Variants in DOC2B observed in about 807,000 individuals in gnomAD.
DOC2B encodes the protein double C2-like domain-containing protein beta.
DOC2B carries 21 observed loss-of-function variants against 28.9 expected under a neutral mutation model. The ratio of observed to expected loss-of-function variants is 0.73; its 90% confidence interval spans 0.52 to 1.05. The LOEUF is 1.05. Ranked by LOEUF, DOC2B falls within the 50% of genes least tolerant of loss-of-function variation. The probability of loss-of-function intolerance (pLI) is 0.00; values close to 1 mark genes in which losing one functional copy is unlikely to be tolerated. For missense variants in DOC2B, 384 were observed against 421.1 expected (o/e 0.91, Z 0.77); for synonymous variants, 194 against 178.1 (o/e 1.09, Z -0.71).
rs2040009663 is a variant in DOC2B, at chr17:145,113, G to C, written c.*2328C>G. On this transcript the variant is annotated 3_prime_UTR_variant, in exon 9 of 9. Coordinates refer to ENST00000613549, the MANE Select transcript of DOC2B (RefSeq NM_003585.5). ...AGCCCCCAGAGGCTAGGGTGGGGTG[G>C]CTGAGTTTTGGGGCCAGGTTAGACA... is the stretch of plus-strand genomic sequence containing the variant. The C allele has an allele frequency of 6.6e-6, 1 of 152,182 alleles. No individual in the cohort carries two copies. The highest frequency in any genetic ancestry group is 1.5e-5 in the Non-Finnish European group (1 of 68,076). 9.4% of individuals were successfully genotyped at this position (152,182 alleles called of 1,614,324 possible).
intron 6 of DOC2B, among the ~76,000 whole-genome samples, chr17:153,701 A>C (rs912415374): frequency 7.5e-6 from 1 of 133,526 alleles, no homozygotes; most frequent in Non-Finnish European, 1.5e-5. Context: ...ACTCTGTCTC[A>C]AAAAAAAAAA....
chr17:172,497 C>T, intron 2 of DOC2B, 40 bp downstream of exon 2: 1 of 1,535,062 alleles, frequency 6.5e-7, no homozygotes, highest in Non-Finnish European at 8.8e-7. Context: ...TCTTGAGGAC[C>T]CCGGGGCAGG....
Position 156,388 on chromosome 17 carries a change from G to T in DOC2B, c.766-11C>A. ...TTCAGTCTTGTCCACCTGTTGGACG[G>T]GACGGTCACTCAGTCCTCACCTGCT... On this transcript the variant is annotated splice_polypyrimidine_tract_variant and intron_variant, in intron 5 of 8. Transcript: ENST00000613549. 1.3e-6 allele frequency: 2 copies of T among 1,551,032 alleles called. No individual in the cohort carries two copies. The highest frequency in any genetic ancestry group is 1.7e-6 in the Non-Finnish European group (2 of 1,146,808).
rs1460338568 is a variant in DOC2B, at chr17:149,177, A to T, written c.939T>A (p.Asp313Glu). 5 of 399,936 alleles carry T rather than the reference A, an allele frequency of 1.3e-5. No individual in the cohort carries two copies. The Admixed American group carries it at 1.3e-4, about 11-fold the overall frequency. 24.8% of individuals were successfully genotyped at this position (399,936 alleles called of 1,614,324 possible). The change falls in exon 7 of 9, where the codon GAT (aspartate) becomes GAA (glutamate). Residue 313 changes from aspartate (D) to glutamate (E), a missense_variant. Coordinates refer to ENST00000613549, the MANE Select transcript of DOC2B (RefSeq NM_003585.5). ...DPYVKTYLRP[D>E]VDKKSKHKTA... ...TCTTATGTTTGGATTTCTTGTCCAC[A>T]TCTGGCCTCAGGTATCTGGAATTAC...
chr17:164,834 G>A (rs1555523707), intron 2 of DOC2B, among the ~76,000 whole-genome samples: 2 of 152,214 alleles, frequency 1.3e-5, no homozygotes, highest in Admixed American at 1.3e-4. Flanking sequence ...GCAGGCTCTT[G>A]TCTCTGAAAA....
Position 143,331 on chromosome 17 carries a change from A to ATTT in DOC2B, c.*4109_*4110insAAA. 2.4e-5 allele frequency: 1 copy of ATTT among 42,308 alleles called. No individual in the cohort carries two copies. The highest frequency in any genetic ancestry group is 1.2e-4 in the African/African-American group (1 of 8,586). The allele number at this position is 42,308 out of a possible 1,614,324, so 2.6% of individuals were successfully genotyped here. A position where few individuals can be genotyped will look rare whatever the true frequency, so the allele number is the denominator to read the frequency against. The stretch of plus-strand genomic sequence containing the variant: ...CCACCCTCCCCTCCTACCCTTCCAA[A>ATTT]TCTTTTTTTTTTTTTTTTGACAAGG... On this transcript the variant is annotated 3_prime_UTR_variant, in exon 9 of 9. Transcript: ENST00000613549.
Position 160,002 on chromosome 17 carries a change from G to A in DOC2B, c.765+1413C>T, listed in dbSNP as rs1431181166. 2.1e-5 allele frequency among the ~76,000 whole-genome samples: 3 copies of A among 143,638 alleles called. No individual in the cohort carries two copies. In the Admixed American group the frequency reaches 2.1e-4, roughly 10 times the overall value. The allele number at this position is 143,638 out of a possible 152,430, so 94.2% of individuals were successfully genotyped here. ...GCTTTTTTTTTTTTTTTTTGAGACA[G>A]AGTCTTGCTCTTGCTCTTGTCACCC... On this transcript the variant is annotated intron_variant, in intron 5 of 8. Transcript: ENST00000613549.
chr17:153,765 G>A (rs555546065), intron 6 of DOC2B, among the ~76,000 whole-genome samples: 33 of 151,668 alleles, frequency 2.2e-4, no homozygotes, highest in Admixed American at 1.2e-3. Context: ...ATATATACGC[G>A]TGAAATTCAA....
intron 5 of DOC2B, among the ~76,000 whole-genome samples, chr17:158,801 T>A (rs2040165238): frequency 6.6e-6 from 1 of 152,116 alleles, no homozygotes; most frequent in African/African-American, 2.4e-5. Context: ...CCCCAGCACT[T>A]TGGGAGGCCA....
chr17:161,963 C>A (rs115102180), intron 4 of DOC2B, 118 bp downstream of exon 4: 1 of 728,750 alleles, frequency 1.4e-6, no homozygotes, highest in Admixed American at 2.4e-5. Flanking sequence ...GCTGGAGTTG[C>A]TGGCATGAGG....
intron 1 of DOC2B, among the ~76,000 whole-genome samples, chr17:175,111 G>A (rs543713315): frequency 1.3e-5 from 2 of 152,352 alleles, no homozygotes; most frequent in African/African-American, 2.4e-5. Flanking sequence ...GGTGGCGCAT[G>A]CCTGTGGTCC....
intron 6 of DOC2B, 92 bp downstream of exon 6, chr17:156,128 G>T: frequency 1.4e-6 from 2 of 1,408,390 alleles, no homozygotes; most frequent in African/African-American, 2.9e-5. Flanking sequence ...CACTCCCTGG[G>T]TGCCTGCCAC....
At chr17:166,037 G>A (rs1274898888) in intron 2 of DOC2B, among the ~76,000 whole-genome samples, 1 of 152,166 alleles carries the variant, frequency 6.6e-6, no homozygotes, top group Non-Finnish European at 1.5e-5. Context: ...TGGGAGCTAG[G>A]CTGGGTCGAG....
At position 146,440 on chromosome 17, in the gene DOC2B, G is replaced by C. The variant is rs1344398950; in HGVS notation, c.*1001C>G. Reference sequence around the variant, plus strand: ...CTCAGGAGTAGAAAGAGATCAGAGTGGGAGACTTGGGTCTGAGGTCTGAAC... The same window carrying C: ...CTCAGGAGTAGAAAGAGATCAGAGTCGGAGACTTGGGTCTGAGGTCTGAAC... On this transcript the variant is annotated 3_prime_UTR_variant, in exon 9 of 9. Transcript: ENST00000613549. 3.9e-5 allele frequency: 6 copies of C among 152,152 alleles called. No homozygotes were observed. Among genetic ancestry groups the C allele is most frequent in the Non-Finnish European group, 7.3e-5 (5 of 68,058 alleles). 9.4% of individuals were successfully genotyped at this position (152,152 alleles called of 1,614,324 possible).
intron 6 of DOC2B, among the ~76,000 whole-genome samples, chr17:151,928 C>T (rs2040076765): frequency 6.6e-6 from 1 of 152,212 alleles, no homozygotes; most frequent in Admixed American, 6.5e-5. Context: ...CAGAAGTGCC[C>T]TTCCCTCCTC....
rs2040002030 is a variant in DOC2B, at chr17:144,047, G to C, written c.*3394C>G. 6.7e-6 allele frequency: 1 copy of C among 149,674 alleles called. No homozygotes were observed. Among genetic ancestry groups the C allele is most frequent in the African/African-American group, 2.5e-5 (1 of 39,344 alleles). The allele number at this position is 149,674 out of a possible 1,614,324, so 9.3% of individuals were successfully genotyped here. The stretch of plus-strand genomic sequence containing the variant: ...GGTGACCGCTTCGGGGCTGGAAGAC[G>C]GGCCCGTCGGGGATTGGCGCAGGCG... On this transcript the variant is annotated 3_prime_UTR_variant, in exon 9 of 9. Coordinates refer to ENST00000613549, the MANE Select transcript of DOC2B (RefSeq NM_003585.5).
chr17:169,696 G>A (rs1160010673), intron 2 of DOC2B, among the ~76,000 whole-genome samples: 1 of 152,064 alleles, frequency 6.6e-6, no homozygotes, highest in African/African-American at 2.4e-5. Context: ...TATAAGGGGG[G>A]ACAAGCAAGG....
chr17:181,077 G>T lies in DOC2B; in HGVS notation c.373+30C>A. Reference sequence around the variant, plus strand: ...GGGGCCGAGCCCGAGCCAGGGGAGGGGGCGCGAAGTCGGCGCGTGGGAAAC... The same window carrying T: ...GGGGCCGAGCCCGAGCCAGGGGAGGTGGCGCGAAGTCGGCGCGTGGGAAAC... On this transcript the variant is annotated intron_variant, in intron 1 of 8. Transcript: ENST00000613549. The surrounding 1 kb of genome is among the most constrained non-coding windows in gnomAD (Gnocchi z 7.0). 1 of 1,232,328 alleles carries T rather than the reference G, an allele frequency of 8.1e-7. No homozygotes were observed. Among genetic ancestry groups the T allele is most frequent in the Non-Finnish European group, 1.0e-6 (1 of 985,678 alleles). The allele number at this position is 1,232,328 out of a possible 1,614,324, so 76.3% of individuals were successfully genotyped here.
At chr17:180,407 G>A (rs955092115) in intron 1 of DOC2B, among the ~76,000 whole-genome samples, 2 of 152,022 alleles carry the variant, frequency 1.3e-5, no homozygotes, top group African/African-American at 4.8e-5. Flanking sequence ...GCGGGCTGGG[G>A]GGCCCTCTCT....
Sources: allele counts gnomAD v4.1 joint callset (sites outside exome capture counted in the v4.1 genomes callset), GRCh38; gene constraint gnomAD v4.1.1; non-coding constraint Gnocchi (gnomAD v3.1); transcripts MANE v1.5; gene names NCBI Gene and HGNC (gene_info 2026-07-23, HGNC 2026-07-21).